GPAM: variants seen among roughly 807,000 people sequenced by gnomAD.
The protein encoded by GPAM is glycerol-3-phosphate acyltransferase 1, mitochondrial.
Under a neutral mutation model 105.0 loss-of-function variants are expected in GPAM, and 56 were observed. The observed-to-expected ratio is 0.53, with a 90% CI of 0.43 to 0.67. GPAM has a LOEUF of 0.67. GPAM is among the 30% of genes least tolerant of loss of function. The pLI is 0.00. For missense variants in GPAM, 855 were observed against 989.8 expected, an observed-to-expected ratio of 0.86 and a Z score of 1.83; for synonymous variants, 368 against 354.4, an observed-to-expected ratio of 1.04 and a Z score of -0.43.
Position 112,166,470 on chromosome 10 carries a change from C to T in GPAM, c.1153G>A (p.Val385Ile). 5 of 1,612,428 alleles carry T rather than the reference C, an allele frequency of 3.1e-6. No individual in the cohort carries two copies. The highest frequency in any genetic ancestry group is 4.2e-6 in the Non-Finnish European group (5 of 1,178,404). Residue 385 changes from valine to isoleucine, a missense_variant, in exon 12 of 22, where the codon GTT becomes ATT. Transcript: ENST00000348367. ...NESLWSVARG[V>I]IRMLRKNYGC... ...TAGTTTTTTCGTAACATTCTAATAA[C>T]ACCTCTTGCTACACTCCACAGGCTC...
intron 1 of GPAM, among the ~76,000 whole-genome samples, chr10:112,212,321 G>C (rs1024653079): frequency 6.6e-6 from 1 of 152,120 alleles, no homozygotes; most frequent in Non-Finnish European, 1.5e-5. Flanking sequence ...GGAGTGCAGT[G>C]GTGCGATCTC....
chr10:112,219,733 T>G (rs1848001832), upstream of GPAM, among the ~76,000 whole-genome samples: 1 of 152,122 alleles, frequency 6.6e-6, no homozygotes, highest in South Asian at 2.1e-4. Flanking sequence ...TTTGCAAAAA[T>G]TATATAACAG....
chr10:112,175,032 G>A (rs574531712), intron 6 of GPAM, among the ~76,000 whole-genome samples: 10 of 152,010 alleles, frequency 6.6e-5, no homozygotes, highest in South Asian at 2.1e-4. Flanking sequence ...TCTAGAGTAC[G>A]GGAGTTTGGA....
upstream of GPAM, among the ~76,000 whole-genome samples, chr10:112,219,838 T>C (rs1160314534): frequency 6.6e-6 from 1 of 152,188 alleles, no homozygotes; most frequent in Non-Finnish European, 1.5e-5. Context: ...TCTGGCCAAG[T>C]GACCTTTGGG....
In GPAM at chr10:112,171,026, C is replaced by T. The variant is rs374201210; in HGVS notation, c.794+1156G>A. Reference sequence around the variant, plus strand: ...CGAAGGCCATCTTGTGAAGCTCCACCTGCACAACCTGCCAGCCCACTTTCC... The same window carrying T: ...CGAAGGCCATCTTGTGAAGCTCCACTTGCACAACCTGCCAGCCCACTTTCC... On this transcript the variant is annotated intron_variant, in intron 9 of 21. Coordinates refer to ENST00000348367, the MANE Select transcript of GPAM (RefSeq NM_001244949.2). Among the ~76,000 whole-genome samples, 10 of 152,316 alleles carry T rather than the reference C, an allele frequency of 6.6e-5. No individual in the cohort carries two copies. The East Asian group carries it at 1.5e-3, about 24-fold the overall frequency.
chr10:112,160,013 C>T lies in GPAM; in HGVS notation c.1800G>A (p.Gly600=). The T allele has an allele frequency of 1.2e-6, 2 of 1,613,298 alleles. No individual in the cohort carries two copies. The highest frequency in any genetic ancestry group is 8.5e-7 in the Non-Finnish European group (1 of 1,179,302). The stretch of plus-strand genomic sequence containing the variant: ...GGTTAGGTGGGGTGCTAGTGGGACC[C>T]CCCAGTCCCCTCTTGTTCAGAACTG... ...LYAVLNKRGL[G]GPTSTPPNLI... is the part of the protein sequence containing the mutation. The change falls in exon 17 of 22, where the codon GGG becomes GGA. Residue 600 remains glycine (G), a synonymous_variant. Coordinates refer to ENST00000348367, the MANE Select transcript of GPAM (RefSeq NM_001244949.2).
At chr10:112,159,810 C>T (rs932125270) in intron 17 of GPAM, 101 bp downstream of exon 17, 78 of 1,151,090 alleles carry the variant, frequency 6.8e-5, no homozygotes, top group Non-Finnish European at 9.1e-5. Flanking sequence ...AAAGTATCAA[C>T]AATGGGTCAA....
At chr10:112,170,281 T>C (rs561435968) in intron 9 of GPAM, among the ~76,000 whole-genome samples, 32 of 152,150 alleles carry the variant, frequency 2.1e-4, no homozygotes, top group African/African-American at 7.7e-4. Context: ...CAGAATAAAA[T>C]GAATGAGATG....
At position 112,151,152 on chromosome 10, in the gene GPAM, A is replaced by G; in HGVS notation, c.*2398T>C. 1.0e-6 allele frequency: 1 copy of G among 983,998 alleles called. No homozygotes were observed. The highest frequency in any genetic ancestry group is 1.2e-6 in the Non-Finnish European group (1 of 828,342). 61.0% of individuals were successfully genotyped at this position (983,998 alleles called of 1,614,324 possible). Reference sequence around the variant, plus strand: ...ACTTGACCACAGTCTTCCCCTGAAGAAGGGCATGCATTTCATGTTACAGAA... The same window carrying G: ...ACTTGACCACAGTCTTCCCCTGAAGGAGGGCATGCATTTCATGTTACAGAA... On this transcript the variant is annotated 3_prime_UTR_variant, in exon 22 of 22. Transcript: ENST00000348367.
At chr10:112,178,845 G>A (rs561359159) in intron 4 of GPAM, among the ~76,000 whole-genome samples, 1 of 152,302 alleles carries the variant, frequency 6.6e-6, no homozygotes, top group East Asian at 1.9e-4. Flanking sequence ...GATCTAAAGA[G>A]TATGGTCTTT....
chr10:112,206,685 G>T (rs1420096840), intron 1 of GPAM, among the ~76,000 whole-genome samples: 3 of 113,976 alleles, frequency 2.6e-5, no homozygotes, highest in South Asian at 3.8e-4. Flanking sequence ...CGGGGGAGGG[G>T]GGAGGGATAG....
At position 112,151,622 on chromosome 10, in the gene GPAM, G is replaced by A; in HGVS notation, c.*1928C>T. ...AGAGAAGCCGTATTTTCTTTGCTTA[G>A]GTTGGCAAAGCAGCAGCTCTTTGCA... is the stretch of plus-strand genomic sequence containing the variant. On this transcript the variant is annotated 3_prime_UTR_variant, in exon 22 of 22. Coordinates refer to ENST00000348367, the MANE Select transcript of GPAM (RefSeq NM_001244949.2). The A allele has an allele frequency of 1.0e-6, 1 of 985,520 alleles. No individual in the cohort carries two copies. Among genetic ancestry groups the A allele is most frequent in the African/African-American group, 1.7e-5 (1 of 57,354 alleles). 61.0% of individuals were successfully genotyped at this position (985,520 alleles called of 1,614,324 possible). A position where few individuals can be genotyped will look rare whatever the true frequency, so the allele number is the denominator to read the frequency against.
At chr10:112,220,001 T>G (rs1232276047), upstream of GPAM, among the ~76,000 whole-genome samples, 22 of 152,158 alleles carry the variant, frequency 1.4e-4, no homozygotes, top group Admixed American at 1.4e-3. Context: ...GGTCACAAGA[T>G]TTGCCACTTT....
At chr10:112,182,054 T>G (rs1293756403) in intron 2 of GPAM, among the ~76,000 whole-genome samples, 1 of 151,892 alleles carries the variant, frequency 6.6e-6, no homozygotes, top group African/African-American at 2.4e-5. Flanking sequence ...CCTGAATATA[T>G]AAGGATACAA....
chr10:112,202,864 G>C (rs1464394340), intron 1 of GPAM, among the ~76,000 whole-genome samples: 2 of 152,188 alleles, frequency 1.3e-5, no homozygotes, highest in African/African-American at 4.8e-5. Flanking sequence ...TTGGAAAGGT[G>C]AACATTATTT....
intron 1 of GPAM, among the ~76,000 whole-genome samples, chr10:112,213,706 G>T (rs1488312387): frequency 6.6e-6 from 1 of 152,196 alleles, no homozygotes; most frequent in African/African-American, 2.4e-5. Context: ...CCCAGAGGCA[G>T]GGTAGGGTGA....
upstream of GPAM, among the ~76,000 whole-genome samples, chr10:112,218,571 A>G (rs1380893896): frequency 1.3e-5 from 2 of 152,222 alleles, no homozygotes; most frequent in Non-Finnish European, 2.9e-5. Context: ...ATTTGGGGCA[A>G]GTCCACAGAG....
chr10:112,199,208 G>A (rs941948229), intron 1 of GPAM, among the ~76,000 whole-genome samples: 3 of 151,752 alleles, frequency 2.0e-5, no homozygotes, highest in Admixed American at 6.6e-5. Flanking sequence ...CGCCTGCCTC[G>A]GCCTTCCAAA....
chr10:112,191,686 A>C (rs1025099717), intron 1 of GPAM, among the ~76,000 whole-genome samples: 2 of 152,210 alleles, frequency 1.3e-5, no homozygotes, highest in Non-Finnish European at 2.9e-5. Flanking sequence ...AAGCTGCTCA[A>C]CTGGGGCTGG....
Sources: allele counts gnomAD v4.1 joint callset (sites outside exome capture counted in the v4.1 genomes callset), GRCh38; gene constraint gnomAD v4.1.1; transcripts MANE v1.5; gene names NCBI Gene and HGNC (gene_info 2026-07-23, HGNC 2026-07-21).